The following NRG4 variants were observed in gnomAD, a reference collection of about 807,000 sequenced individuals.
NRG4 encodes the protein neuregulin 4.
NRG4 carries 10 observed loss-of-function variants against 15.0 expected under a neutral mutation model. The observed-to-expected ratio is 0.67, with a 90% CI of 0.41 to 1.13. The LOEUF (loss-of-function observed/expected upper bound fraction) is 1.13. Among genes scored for constraint, NRG4 ranks in the 50% most tolerant of loss-of-function variants. NRG4 has a pLI of 0.00. For synonymous variants in NRG4, 41 were observed against 50.1 expected (o/e 0.82, Z 0.77); for missense variants, 139 against 140.2 (o/e 0.99, Z 0.04).
intron 3 of NRG4, among the ~76,000 whole-genome samples, chr15:75,998,537 T>C (rs548182302): frequency 6.6e-6 from 1 of 152,274 alleles, no homozygotes; most frequent in South Asian, 2.1e-4. Flanking sequence ...CTGCAGTAGA[T>C]TGAGCAATTA....
chr15:75,996,676 T>A (rs2034227507), intron 3 of NRG4, among the ~76,000 whole-genome samples: 1 of 152,182 alleles, frequency 6.6e-6, no homozygotes, highest in African/African-American at 2.4e-5. Flanking sequence ...AGATCATTCG[T>A]CTACATAATG....
At chr15:75,947,481 T>C (rs907305377) in intron 5 of NRG4, among the ~76,000 whole-genome samples, 4 of 152,230 alleles carry the variant, frequency 2.6e-5, no homozygotes, top group African/African-American at 4.8e-5. Flanking sequence ...CAAAATATTC[T>C]TTCTCCTTTG....
At chr15:75,935,660 G>C (rs1011885970), downstream of NRG4, 4 of 150,936 alleles carry the variant, frequency 2.7e-5, no homozygotes, top group African/African-American at 9.8e-5. Flanking sequence ...TCTCAGTTTT[G>C]CTTAAAGCAA....
intron 5 of NRG4, among the ~76,000 whole-genome samples, chr15:76,028,299 T>A (rs1230514014): frequency 6.6e-6 from 1 of 150,418 alleles, no homozygotes; most frequent in Non-Finnish European, 1.5e-5. Flanking sequence ...TTAAAAAAAA[T>A]CAGAAATGAA....
chr15:76,051,164 C>CGT (rs2036002442), intron 4 of NRG4, among the ~76,000 whole-genome samples: 1 of 148,524 alleles, frequency 6.7e-6, no homozygotes, highest in Non-Finnish European at 1.5e-5. Context: ...CGCCACTACG[C>CGT]CCGGCTAATT....
rs556179938 is a variant in NRG4 at position 75,977,571 on chromosome 15, T to A, written c.105-15597A>T. On this transcript the variant is annotated intron_variant, in intron 3 of 5. Coordinates refer to ENST00000394907, the MANE Select transcript of NRG4 (RefSeq NM_138573.4). This position sits in a 1 kb window ranked among gnomAD's most constrained non-coding sequence, Gnocchi z 4.9. Reference sequence around the variant, plus strand: ...CACTTCCCTTGGCTAGGGGAGGGAATTCCCCCAACCCTTGTGCTTCCTGGG... The same window carrying A: ...CACTTCCCTTGGCTAGGGGAGGGAAATCCCCCAACCCTTGTGCTTCCTGGG... Among the ~76,000 whole-genome samples, 3 of 152,250 alleles carry A rather than the reference T, an allele frequency of 2.0e-5. No individual in the cohort carries two copies. Among genetic ancestry groups the A allele is most frequent in the Admixed American group, 1.3e-4 (2 of 15,290 alleles).
intron 5 of NRG4, among the ~76,000 whole-genome samples, chr15:76,035,721 C>G (rs889010819): frequency 1.3e-5 from 2 of 152,166 alleles, no homozygotes; most frequent in African/African-American, 4.8e-5. Context: ...TTCCTTTCCT[C>G]AATTCTGAAC....
chr15:75,993,880 G>T (rs544574698), intron 3 of NRG4, among the ~76,000 whole-genome samples: 1 of 151,982 alleles, frequency 6.6e-6, no homozygotes, highest in Non-Finnish European at 1.5e-5. Context: ...CTCTGCTGGG[G>T]TTTCCCATTT....
At chr15:76,059,916 G>A (rs2036257624), upstream of NRG4, 1 of 146,840 alleles carries the variant, frequency 6.8e-6, no homozygotes, top group Admixed American at 6.7e-5. Flanking sequence ...AGGGAGCGGC[G>A]GGGCCGCGAG....
At chr15:76,003,348 T>C (rs1022373012) in intron 3 of NRG4, among the ~76,000 whole-genome samples, 2 of 152,202 alleles carry the variant, frequency 1.3e-5, no homozygotes, top group African/African-American at 2.4e-5. Flanking sequence ...TAAAACGTTA[T>C]GTTAAAATAG....
chr15:76,013,948 C>T (rs1038926944), upstream of NRG4, among the ~76,000 whole-genome samples: 2 of 152,184 alleles, frequency 1.3e-5, no homozygotes, highest in Middle Eastern at 3.2e-3. Flanking sequence ...AACTAATTTA[C>T]ACTCCCACCA....
At chr15:76,049,024 A>G (rs1207440377) in intron 4 of NRG4, among the ~76,000 whole-genome samples, 1 of 150,424 alleles carries the variant, frequency 6.6e-6, no homozygotes, top group Non-Finnish European at 1.5e-5. Flanking sequence ...AGCCTGGGGG[A>G]TAGAGCAATA....
intron 4 of NRG4, among the ~76,000 whole-genome samples, chr15:76,050,464 C>T (rs1228692541): frequency 8.1e-5 from 6 of 74,130 alleles, no homozygotes; most frequent in Middle Eastern, 0.014. Flanking sequence ...TTTTTTGAAA[C>T]GGAGTCTCAC....
At chr15:76,034,195 A>G (rs2035545222) in intron 5 of NRG4, among the ~76,000 whole-genome samples, 1 of 152,238 alleles carries the variant, frequency 6.6e-6, no homozygotes, top group Non-Finnish European at 1.5e-5. Context: ...AAAAGATAAG[A>G]TATCTATCTC....
chr15:76,018,804 G>T (rs2035064985), intron 5 of NRG4, among the ~76,000 whole-genome samples: 1 of 152,150 alleles, frequency 6.6e-6, no homozygotes, highest in Non-Finnish European at 1.5e-5. Context: ...GAGACACAGG[G>T]GTTAGGGACT....
Position 75,961,817 on chromosome 15 carries a change from ATT to A in NRG4, c.251+9_251+10del, listed in dbSNP as rs2032534190. ...TTACTTTTCTCAAAAGCATGTTTCT[ATT>A]TTACTTACCTGCAAAGGAAGTAGAA... On this transcript the variant is annotated intron_variant, in intron 4 of 5. Coordinates refer to ENST00000394907, the MANE Select transcript of NRG4 (RefSeq NM_138573.4). The A allele has an allele frequency of 6.3e-7, 1 of 1,599,232 alleles. No individual in the cohort carries two copies. The highest frequency in any genetic ancestry group is 8.5e-7 in the Non-Finnish European group (1 of 1,171,188).
At chr15:76,054,961 G>C (rs1295281202) in intron 2 of NRG4, among the ~76,000 whole-genome samples, 1 of 152,096 alleles carries the variant, frequency 6.6e-6, no homozygotes, top group East Asian at 1.9e-4. Flanking sequence ...AAAATTCAAA[G>C]TTAAATGTAT....
At chr15:76,058,289 T>C (rs1023507680) in intron 1 of NRG4, among the ~76,000 whole-genome samples, 22 of 152,148 alleles carry the variant, frequency 1.4e-4, no homozygotes, top group African/African-American at 5.3e-4. Flanking sequence ...TGTAGAAAAA[T>C]CCTTTGGCAA....
intron 1 of NRG4, among the ~76,000 whole-genome samples, chr15:76,011,844 C>T (rs1214370261): frequency 6.6e-6 from 1 of 151,938 alleles, no homozygotes; most frequent in Non-Finnish European, 1.5e-5. Context: ...TATCCCGGAA[C>T]TTAAAATTAA....
Sources: gnomAD v4.1 joint callset for allele counts (sites outside exome capture counted in the v4.1 genomes callset) on GRCh38, gnomAD v4.1.1 for gene constraint, Gnocchi (gnomAD v3.1) non-coding constraint, MANE v1.5 for transcripts, NCBI Gene and HGNC (gene_info 2026-07-23, HGNC 2026-07-21) for gene names.